The following SLC25A39 variants were observed in gnomAD, a reference collection of about 807,000 sequenced individuals.
SLC25A39 encodes solute carrier family 25 member 39.
In SLC25A39, 44 loss-of-function variants were observed where a neutral mutation model predicts 46.6. That is an observed-to-expected ratio of 0.94 (90% CI 0.74 to 1.21). SLC25A39 has a LOEUF of 1.21. Among genes scored for constraint, SLC25A39 ranks in the 50% most tolerant of loss-of-function variants. SLC25A39 has a pLI of 0.00. For missense variants in SLC25A39, 487 were observed against 473.0 expected (o/e 1.03, Z -0.28); for synonymous variants, 218 against 190.6 (o/e 1.14, Z -1.19).
Position 44,322,438 on chromosome 17 carries a change from G to T in SLC25A39, c.305C>A (p.Thr102Asn). 1 of 1,614,162 alleles carries T rather than the reference G, an allele frequency of 6.2e-7. No individual in the cohort carries two copies. Among genetic ancestry groups the T allele is most frequent in the Non-Finnish European group, 8.5e-7 (1 of 1,180,026 alleles). ...CCTCACCATGGTGCCAGTGAAGCGG[G>T]TAGGGTCTTGAAACCAGGTGGCACA... ...ARCATWFQDP[T>N]RFTGTMDAFV... Residue 102 changes from threonine (T) to asparagine (N), a missense_variant, in exon 5 of 12, where the codon ACC (threonine) becomes AAC (asparagine). Coordinates refer to ENST00000377095, the MANE Select transcript of SLC25A39 (RefSeq NM_001143780.3).
intron 11 of SLC25A39, 32 bp downstream of exon 11, chr17:44,320,164 C>A: frequency 6.2e-7 from 1 of 1,613,606 alleles, no homozygotes; most frequent in Non-Finnish European, 8.5e-7. Context: ...GCAGGTCCGC[C>A]ATGCCCCCAC....
Position 44,322,558 on chromosome 17 carries a change from G to A in SLC25A39, c.191-6C>T. 1.2e-6 allele frequency: 2 copies of A among 1,613,790 alleles called. No individual in the cohort carries two copies. Among genetic ancestry groups the A allele is most frequent in the South Asian group, 1.1e-5 (1 of 91,052 alleles). On this transcript the variant is annotated splice_polypyrimidine_tract_variant and splice_region_variant and intron_variant, in intron 4 of 11. Coordinates refer to ENST00000377095, the MANE Select transcript of SLC25A39 (RefSeq NM_001143780.3). ...GGATTGGAGAGAGGAGGGCACTGGG[G>A]AAAGGCAGGGGGCATTATAATGACA...
chr17:44,323,237 C>T (rs1422588175), intron 3 of SLC25A39, 47 bp downstream of exon 3: 1 of 1,609,932 alleles, frequency 6.2e-7, no homozygotes, highest in East Asian at 2.2e-5. Context: ...GGAGATCTTT[C>T]TTTTGCCCAG....
At chr17:44,322,078 G>C (rs935085206) in intron 5 of SLC25A39, among the ~76,000 whole-genome samples, 1 of 152,144 alleles carries the variant, frequency 6.6e-6, no homozygotes, top group South Asian at 2.1e-4. Flanking sequence ...GCAAAACCCT[G>C]TCTCTACTAA....
rs1567869147 is a variant in SLC25A39, at chr17:44,322,404, C to G, written c.324+15G>C. 2 of 1,613,960 alleles carry G rather than the reference C, an allele frequency of 1.2e-6. No homozygotes were observed. Among genetic ancestry groups the G allele is most frequent in the East Asian group, 4.5e-5 (2 of 44,880 alleles). ...CGGACACCGACGAATCCCTACGGACCCAGCTGCTCCTCACCATGGTGCCAG... is the reference window on the plus strand; with the variant it reads ...CGGACACCGACGAATCCCTACGGACGCAGCTGCTCCTCACCATGGTGCCAG... On this transcript the variant is annotated intron_variant, in intron 5 of 11. Coordinates refer to ENST00000377095, the MANE Select transcript of SLC25A39 (RefSeq NM_001143780.3).
chr17:44,322,947 G>C, intron 3 of SLC25A39, 95 bp from the exon 4 acceptor site: 1 of 1,378,054 alleles, frequency 7.3e-7, no homozygotes, highest in Non-Finnish European at 1.0e-6. Flanking sequence ...TTTTGAGATG[G>C]AGTCTTGCTC....
chr17:44,322,984 A>G, intron 3 of SLC25A39, 132 bp from the exon 4 acceptor site: 5 of 1,005,100 alleles, frequency 5.0e-6, no homozygotes, highest in Non-Finnish European at 7.4e-6. Context: ...GCATAGTGGC[A>G]CAATCTCAGC....
chr17:44,320,822 C>G lies in SLC25A39; in HGVS notation c.692-91G>C, dbSNP rs1040969256. 17 of 1,107,380 alleles carry G rather than the reference C, an allele frequency of 1.5e-5. No individual in the cohort carries two copies. The African/African-American group carries it at 2.3e-4, about 15-fold the overall frequency. The allele number at this position is 1,107,380 out of a possible 1,614,324, so 68.6% of individuals were successfully genotyped here. On this transcript the variant is annotated intron_variant, in intron 8 of 11. Coordinates refer to ENST00000377095, the MANE Select transcript of SLC25A39 (RefSeq NM_001143780.3). ...TTTCACTGCCACCACTCCCTCCCAG[C>G]TGTGAGTCTTGTCTGCTACATGCAG...
intron 3 of SLC25A39, 145 bp from the exon 4 acceptor site, chr17:44,322,997 A>G: frequency 1.1e-6 from 1 of 930,640 alleles, no homozygotes; most frequent in Non-Finnish European, 1.6e-6. Flanking sequence ...ATCTCAGCTC[A>G]CTGCAACCTC....
chr17:44,321,604 A>G (rs1184569451), intron 6 of SLC25A39, 46 bp from the exon 7 acceptor site: 3 of 1,611,062 alleles, frequency 1.9e-6, no homozygotes, highest in South Asian at 1.1e-5. Context: ...AAAGGACCCA[A>G]ACTTTTAAAG....
At chr17:44,322,682 T>C (rs917931223) in intron 4 of SLC25A39, 126 bp downstream of exon 4, 1 of 1,557,776 alleles carries the variant, frequency 6.4e-7, no homozygotes, top group Non-Finnish European at 8.7e-7. Flanking sequence ...GTCACAGGAC[T>C]GGCTGGCAGG....
chr17:44,322,463 A>G lies in SLC25A39; in HGVS notation c.280T>C (p.Cys94Arg). 6.2e-7 allele frequency: 1 copy of G among 1,614,170 alleles called. No homozygotes were observed. The highest frequency in any genetic ancestry group is 1.6e-4 in the Middle Eastern group (1 of 6,062). Residue 94 changes from cysteine (C) to arginine (R), a missense_variant, in exon 5 of 12, where the codon TGT (cysteine) becomes CGT (arginine). Cys to Arg is a radical substitution (Grantham distance 180). Coordinates refer to ENST00000377095, the MANE Select transcript of SLC25A39 (RefSeq NM_001143780.3). ...PLYLCPNGAR[C>R]ATWFQDPTRF... is the part of the protein sequence containing the mutation. ...GTAGGGTCTTGAAACCAGGTGGCAC[A>G]GCGGGCACCATTTGGGCACAGGTAC...
At position 44,321,225 on chromosome 17, in the gene SLC25A39, G is replaced by A; in HGVS notation, c.524C>T (p.Thr175Ile). Residue 175 changes from threonine to isoleucine, a missense_variant, in exon 8 of 12, where the codon ACC (threonine) becomes ATC (isoleucine). Physicochemically the swap from Thr to Ile is moderately conservative, Grantham distance 89 (BLOSUM62 -1). Coordinates refer to ENST00000377095, the MANE Select transcript of SLC25A39 (RefSeq NM_001143780.3). ...CTCCAGGGGGCTGATCACAGTCACG[G>A]TGCCCACTGTGTGGGGATTGGGGGT... Reference protein sequence around the residue: ...MVAGALARLGTVTVISPLELM... With the variant: ...MVAGALARLGIVTVISPLELM... 2.2e-5 allele frequency: 35 copies of A among 1,605,542 alleles called. No homozygotes were observed. The highest frequency in any genetic ancestry group is 3.0e-5 in the Non-Finnish European group (35 of 1,175,814).
Position 44,322,808 on chromosome 17 carries a change from A to T in SLC25A39, c.190T>A (p.Leu64Met). ...SRLWSLSYTK[L>M]PSSLQSTGKC... ...GCTCCCTGTGGCTTGGGGCACTCAC[A>T]TTTGGTATAGGAGAGGCTCCACAGT... The change falls in exon 4 of 12, where the codon TTG (leucine) becomes ATG (methionine). Residue 64 changes from leucine (L) to methionine (M), a missense_variant and splice_region_variant. Coordinates refer to ENST00000377095, the MANE Select transcript of SLC25A39 (RefSeq NM_001143780.3). 6.2e-7 allele frequency: 1 copy of T among 1,613,956 alleles called. No homozygotes were observed. Among genetic ancestry groups the T allele is most frequent in the Non-Finnish European group, 8.5e-7 (1 of 1,179,948 alleles).
At position 44,322,742 on chromosome 17, in the gene SLC25A39, G is replaced by A; in HGVS notation, c.190+66C>T. The A allele has an allele frequency of 1.9e-6, 3 of 1,609,386 alleles. No individual in the cohort carries two copies. In the South Asian group the frequency reaches 3.3e-5, roughly 18 times the overall value. On this transcript the variant is annotated intron_variant, in intron 4 of 11. Transcript: ENST00000377095. ...GGCTGTGGAGCCCACTGGTGCCCTG[G>A]GGACAGGGACAAGGACTGTCTCCCC...
chr17:44,320,145 G>A (rs766891666), intron 11 of SLC25A39, 29 bp from the exon 12 acceptor site: 49 of 1,613,818 alleles, frequency 3.0e-5, no homozygotes, highest in Admixed American at 5.0e-5. Flanking sequence ...CCGTGTCAGG[G>A]GTCAGGTCGC....
chr17:44,321,422 G>A lies in SLC25A39; in HGVS notation c.517+12C>T, dbSNP rs374934587. 30 of 1,613,752 alleles carry A rather than the reference G, an allele frequency of 1.9e-5. No individual in the cohort carries two copies. In the African/African-American group the frequency reaches 3.5e-4, roughly 19 times the overall value. ...GGACAGAGGGAGGTCAAAGGCCCAA[G>A]ACTATGCTCACGGCGGGCCAGCGCG... On this transcript the variant is annotated intron_variant, in intron 7 of 11. Coordinates refer to ENST00000377095, the MANE Select transcript of SLC25A39 (RefSeq NM_001143780.3).
At chr17:44,322,354 C>T in intron 5 of SLC25A39, 65 bp downstream of exon 5, 1 of 1,588,738 alleles carries the variant, frequency 6.3e-7, no homozygotes, top group Non-Finnish European at 8.6e-7. Flanking sequence ...CCTGGGTCTG[C>T]TGCCCAGCCA....
In SLC25A39 at chr17:44,323,363, T is replaced by C. The variant is rs2048117283; in HGVS notation, c.86-20A>G. 1 of 1,607,616 alleles carries C rather than the reference T, an allele frequency of 6.2e-7. No individual in the cohort carries two copies. The highest frequency in any genetic ancestry group is 8.5e-7 in the Non-Finnish European group (1 of 1,177,044). On this transcript the variant is annotated intron_variant, in intron 2 of 11. Transcript: ENST00000377095. ...GTGTCACTGGGGGAGGAAGCGGGTC[T>C]GAAGGCTCCTTTCAGGACCCCACCC...
Sources: gnomAD v4.1 joint callset for allele counts (sites outside exome capture counted in the v4.1 genomes callset) on GRCh38, gnomAD v4.1.1 for gene constraint, MANE v1.5 for transcripts, NCBI Gene and HGNC (gene_info 2026-07-23, HGNC 2026-07-21) for gene names.